Variants in ZNF487 observed in about 807,000 individuals in gnomAD.
The protein encoded by ZNF487 is zinc finger protein 487, also known as KRAB domain only 1.
Under a neutral mutation model 3.0 loss-of-function variants are expected in ZNF487, and 4 were observed. That is an observed-to-expected ratio of 1.35 (90% CI 0.66 to 3.08). The LOEUF (loss-of-function observed/expected upper bound fraction) is 3.08, where lower values mean the gene tolerates loss of function less well. Among genes scored for constraint, ZNF487 ranks in the 30% most tolerant of loss-of-function variants. ZNF487 has a pLI of 0.01. For synonymous variants in ZNF487, 55 were observed against 34.6 expected, an observed-to-expected ratio of 1.59 and a Z score of -2.06; for missense variants, 146 against 98.7, an observed-to-expected ratio of 1.48 and a Z score of -2.03.
chr10:43,446,950 A>G (rs1207935045), intron 1 of ZNF487, among the ~76,000 whole-genome samples: 2 of 152,096 alleles, frequency 1.3e-5, no homozygotes, highest in African/African-American at 4.8e-5. Context: ...CCGGCACCTC[A>G]GGAGGCCGAG....
intron 1 of ZNF487, among the ~76,000 whole-genome samples, chr10:43,467,820 A>G (rs1589042654): frequency 6.7e-6 from 1 of 149,444 alleles, no homozygotes; most frequent in East Asian, 2.0e-4. Flanking sequence ...CTATCTCAGA[A>G]AAAAAAAAAA....
At chr10:43,478,710 G>C (rs1841195241) in intron 3 of ZNF487, among the ~76,000 whole-genome samples, 1 of 151,996 alleles carries the variant, frequency 6.6e-6, no homozygotes, top group Admixed American at 6.6e-5. Flanking sequence ...CAGAGTAAGA[G>C]CCTGTCTGTA....
At chr10:43,506,699 G>A in the ZNF487 span, among the ~76,000 whole-genome samples, 3 of 152,248 alleles carry the variant, frequency 2.0e-5, no homozygotes, top group Admixed American at 6.5e-5. Flanking sequence ...TTATTCCCGA[G>A]TGAAATATCT....
the ZNF487 span, among the ~76,000 whole-genome samples, chr10:43,499,955 T>C: frequency 1.1e-4 from 17 of 152,004 alleles, no homozygotes; most frequent in African/African-American, 3.9e-4. Context: ...GCGGTCTCGG[T>C]TCACTGCAAC....
At chr10:43,496,710 A>G in the ZNF487 span, among the ~76,000 whole-genome samples, 2 of 152,324 alleles carry the variant, frequency 1.3e-5, no homozygotes, top group Admixed American at 1.3e-4. Flanking sequence ...GTCCAAGACC[A>G]GGGTGCTAGC....
chr10:43,519,885 C>A, the ZNF487 span, among the ~76,000 whole-genome samples: 1 of 152,208 alleles, frequency 6.6e-6, no homozygotes, highest in Non-Finnish European at 1.5e-5. Flanking sequence ...AGATGTCTTT[C>A]AAACATGTAG....
intron 1 of ZNF487, among the ~76,000 whole-genome samples, chr10:43,445,675 T>C (rs1486211667): frequency 1.3e-5 from 2 of 152,112 alleles, no homozygotes; most frequent in African/African-American, 2.4e-5. Context: ...TTATTTTATT[T>C]TGTTTTAATT....
chr10:43,466,832 G>A (rs971757360), intron 1 of ZNF487, among the ~76,000 whole-genome samples: 1 of 152,144 alleles, frequency 6.6e-6, no homozygotes, highest in Non-Finnish European at 1.5e-5. Context: ...TTGTTTTCAT[G>A]CTTACTAGCA....
the ZNF487 span, among the ~76,000 whole-genome samples, chr10:43,494,765 C>CAAAAAA: frequency 2.8e-3 from 99 of 35,788 alleles, 3 homozygotes; most frequent in African/African-American, 5.6e-3. Context: ...ACTAAAAATA[C>CAAAAAA]AAAAAAAAAA....
the ZNF487 span, among the ~76,000 whole-genome samples, chr10:43,501,975 C>T: frequency 6.6e-6 from 1 of 152,146 alleles, no homozygotes; most frequent in East Asian, 1.9e-4. Flanking sequence ...CAATGTGTGG[C>T]TATTCCTCAA....
chr10:43,471,067 G>T (rs1321393152), intron 1 of ZNF487, among the ~76,000 whole-genome samples: 2 of 152,118 alleles, frequency 1.3e-5, no homozygotes, highest in African/African-American at 4.8e-5. Flanking sequence ...CTCATCGTTT[G>T]CTGGTTCCTC....
At chr10:43,446,632 G>T (rs12355127) in intron 1 of ZNF487, among the ~76,000 whole-genome samples, 1 of 150,194 alleles carries the variant, frequency 6.7e-6, no homozygotes, top group Admixed American at 6.6e-5. Context: ...CATCCTAGAC[G>T]ATGGGCGCCC....
At chr10:43,519,148 T>A in the ZNF487 span, among the ~76,000 whole-genome samples, 63 of 152,164 alleles carry the variant, frequency 4.1e-4, no homozygotes, top group African/African-American at 9.6e-4. Flanking sequence ...ACTCCTGGGC[T>A]CAAATGTTTC....
the ZNF487 span, among the ~76,000 whole-genome samples, chr10:43,510,630 C>T: frequency 6.6e-6 from 1 of 152,194 alleles, no homozygotes; most frequent in African/African-American, 2.4e-5. Context: ...TCACTGCAAC[C>T]TCTGCCTCCC....
the ZNF487 span, among the ~76,000 whole-genome samples, chr10:43,491,104 C>A: frequency 6.7e-6 from 1 of 150,126 alleles, no homozygotes; most frequent in African/African-American, 2.5e-5. Flanking sequence ...GTAGCTGGGA[C>A]TACAGACATG....
chr10:43,495,772 C>T, the ZNF487 span, among the ~76,000 whole-genome samples: 11 of 152,172 alleles, frequency 7.2e-5, no homozygotes, highest in African/African-American at 2.7e-4. Context: ...GAACATAAGA[C>T]AGTTCCAGCA....
At chr10:43,477,808 C>T (rs369188440) in intron 3 of ZNF487, among the ~76,000 whole-genome samples, 2 of 151,664 alleles carry the variant, frequency 1.3e-5, no homozygotes, top group East Asian at 2.0e-4. Context: ...AAAAATTAGC[C>T]GGGTGTGGTG....
intron 1 of ZNF487, among the ~76,000 whole-genome samples, chr10:43,442,722 C>A (rs183755675): frequency 6.6e-6 from 1 of 152,114 alleles, no homozygotes; most frequent in African/African-American, 2.4e-5. Flanking sequence ...GGATTACAGG[C>A]GTGAGACACC....
rs758559647 is a variant in ZNF487 at position 43,471,598 on chromosome 10, T to A, written c.-93-4123T>A. Among the ~76,000 whole-genome samples the A allele has an allele frequency of 5.3e-5, 8 of 152,290 alleles. No individual in the cohort carries two copies. The East Asian group carries it at 1.2e-3, about 22-fold the overall frequency. On this transcript the variant is annotated intron_variant, in intron 1 of 3. Transcript: ENST00000437590. ...AGGATGGTGAAGTCAGAGAATTTTATTGAGCAATGAAAATGGCTCTCAGCA... is the reference window on the plus strand; with the variant it reads ...AGGATGGTGAAGTCAGAGAATTTTAATGAGCAATGAAAATGGCTCTCAGCA...
Sources: allele counts gnomAD v4.1 joint callset (sites outside exome capture counted in the v4.1 genomes callset), GRCh38; gene constraint gnomAD v4.1.1; transcripts MANE v1.5; gene names NCBI Gene and HGNC (gene_info 2026-07-23, HGNC 2026-07-21).